Variants in ZMIZ1 observed in about 807,000 individuals in gnomAD.
The protein encoded by ZMIZ1 is zinc finger MIZ domain-containing protein 1.
In ZMIZ1, 17 loss-of-function variants were observed where a neutral mutation model predicts 113.9. The observed-to-expected ratio is 0.15, with a 90% CI of 0.10 to 0.22. ZMIZ1 has a LOEUF of 0.22. Among genes scored for constraint, ZMIZ1 ranks in the 10% least tolerant of loss-of-function variants. The probability of loss-of-function intolerance (pLI) is 1.00; values close to 1 mark genes in which losing one functional copy is unlikely to be tolerated. For synonymous variants in ZMIZ1, 607 were observed against 603.1 expected (o/e 1.01, Z -0.09); for missense variants, 1,059 against 1,477.8 (o/e 0.72, Z 4.65).
At chr10:79,163,021 C>T (rs945988755) in intron 4 of ZMIZ1, among the ~76,000 whole-genome samples, 14 of 152,288 alleles carry the variant, frequency 9.2e-5, no homozygotes, top group African/African-American at 3.1e-4. Context: ...TCACTTGGCC[C>T]TGTGCCCGAG....
chr10:79,301,219 C>T (rs760227203), intron 17 of ZMIZ1, among the ~76,000 whole-genome samples: 3 of 152,126 alleles, frequency 2.0e-5, no homozygotes, highest in African/African-American at 4.8e-5. Context: ...CACATGCTTC[C>T]GATTCACCCC....
intron 4 of ZMIZ1, among the ~76,000 whole-genome samples, chr10:79,168,159 T>A (rs1846436837): frequency 6.6e-6 from 1 of 152,216 alleles, no homozygotes; most frequent in South Asian, 2.1e-4. Flanking sequence ...CCATTTATGA[T>A]CTACCTCTTG....
chr10:79,144,333 T>C (rs1212262487), intron 3 of ZMIZ1, among the ~76,000 whole-genome samples: 1 of 152,186 alleles, frequency 6.6e-6, no homozygotes, highest in African/African-American at 2.4e-5. Context: ...CCCATGCTCT[T>C]ATAATCCTCT....
At chr10:79,135,943 C>A (rs1250987489) in intron 2 of ZMIZ1, among the ~76,000 whole-genome samples, 5 of 152,166 alleles carry the variant, frequency 3.3e-5, no homozygotes, top group African/African-American at 1.2e-4. Flanking sequence ...CTCTCATCAG[C>A]CCCTTTATCG....
chr10:79,165,963 T>TGCGCGCGCGC lies in ZMIZ1; in HGVS notation c.-50+3831_-50+3832insCGCGCGCGCG, dbSNP rs1554860939. On this transcript the variant is annotated intron_variant, in intron 4 of 24. Coordinates refer to ENST00000334512, the MANE Select transcript of ZMIZ1 (RefSeq NM_020338.4). ...CCCAGCTCAGCTGTGTGTGTGTGTG[T>TGCGCGCGCGC]GTGTGTGTGTGTGTGTGTGTGTGTG... Among the ~76,000 whole-genome samples the TGCGCGCGCGC allele has an allele frequency of 8.5e-3, 369 of 43,420 alleles. 24 individuals carry two copies. The highest frequency in any genetic ancestry group is 0.044 in the African/African-American group (355 of 7,994). 28.5% of individuals were successfully genotyped at this position (43,420 alleles called of 152,430 possible). A position where few individuals can be genotyped will look rare whatever the true frequency, so the allele number is the denominator to read the frequency against.
At chr10:79,085,058 A>T (rs1304898201) in intron 1 of ZMIZ1, among the ~76,000 whole-genome samples, 1 of 151,884 alleles carries the variant, frequency 6.6e-6, no homozygotes. Flanking sequence ...GTGCCGTGCC[A>T]TGTAGATCCC....
chr10:79,289,274 C>T (rs1204591591), intron 8 of ZMIZ1, among the ~76,000 whole-genome samples: 2 of 152,102 alleles, frequency 1.3e-5, no homozygotes, highest in Non-Finnish European at 2.9e-5. Context: ...ATTCCCATGG[C>T]CCAGGCAGCC....
At chr10:79,208,096 AGTGGAGGTGGATCGGGGAGGTGGG>A (rs1848400591) in intron 5 of ZMIZ1, among the ~76,000 whole-genome samples, 1 of 34,418 alleles carries the variant, frequency 2.9e-5, no homozygotes, top group Non-Finnish European at 5.6e-5. Flanking sequence ...GTGGGGGTGG[AGTGGAGGTGGATCGGGGAGGTGGG>A]GTGGAGGTGG....
Position 79,299,052 on chromosome 10 carries a change from A to G in ZMIZ1, c.1669A>G (p.Asn557Asp). The part of the protein sequence containing the change: ...NMSALPPPPA[N>D]HNDELRLTFP... ...CCCACCTCCTCTCCTCGCCCCAGCC[A>G]ACCACAATGACGAGCTGCGGCTCAC... Residue 557 changes from asparagine to aspartate, a missense_variant and splice_region_variant, in exon 16 of 25, where the codon AAC (asparagine) becomes GAC (aspartate). Asn to Asp is a conservative substitution (Grantham distance 23). This residue lies in a region of ZMIZ1 where 239 missense variants were observed against 247.5 expected (regional missense o/e 0.97). Coordinates refer to ENST00000334512, the MANE Select transcript of ZMIZ1 (RefSeq NM_020338.4). The G allele has an allele frequency of 6.2e-7, 1 of 1,608,368 alleles. No individual in the cohort carries two copies. Among genetic ancestry groups the G allele is most frequent in the South Asian group, 1.1e-5 (1 of 90,740 alleles).
intron 4 of ZMIZ1, among the ~76,000 whole-genome samples, chr10:79,171,970 T>G (rs1417599739): frequency 6.6e-6 from 1 of 152,154 alleles, no homozygotes; most frequent in Non-Finnish European, 1.5e-5. Context: ...GAGCACTGCT[T>G]TTTAAATGTA....
At chr10:79,288,856 T>C (rs997286278) in intron 8 of ZMIZ1, among the ~76,000 whole-genome samples, 1 of 152,204 alleles carries the variant, frequency 6.6e-6, no homozygotes, top group African/African-American at 2.4e-5. Flanking sequence ...GCTAACTCCT[T>C]GCTTCTGATA....
At position 79,245,562 on chromosome 10, in the gene ZMIZ1, C is replaced by T. The variant is rs565631701; in HGVS notation, c.280+29288C>T. Among the ~76,000 whole-genome samples the T allele has an allele frequency of 2.6e-5, 4 of 152,304 alleles. No individual in the cohort carries two copies. The South Asian group carries it at 8.3e-4, about 32-fold the overall frequency. On this transcript the variant is annotated intron_variant, in intron 7 of 24. Coordinates refer to ENST00000334512, the MANE Select transcript of ZMIZ1 (RefSeq NM_020338.4). ...AGGGATTGAAAGAGCACTTCCAGAT[C>T]TCAGTCTGCATTGGTTGAGCACCCA...
At chr10:79,232,294 C>T (rs1296864318) in intron 7 of ZMIZ1, among the ~76,000 whole-genome samples, 1 of 151,998 alleles carries the variant, frequency 6.6e-6, no homozygotes, top group Non-Finnish European at 1.5e-5. Context: ...TGGGTGGTAC[C>T]CCTGCACCCC....
At chr10:79,210,226 G>A (rs1848479259) in intron 6 of ZMIZ1, among the ~76,000 whole-genome samples, 1 of 152,024 alleles carries the variant, frequency 6.6e-6, no homozygotes, top group African/African-American at 2.4e-5. Flanking sequence ...CCAGCACATT[G>A]CCCCGAGCCT....
At chr10:79,288,151 T>C (rs1047525807) in intron 8 of ZMIZ1, among the ~76,000 whole-genome samples, 1 of 152,338 alleles carries the variant, frequency 6.6e-6, no homozygotes, top group African/African-American at 2.4e-5. Flanking sequence ...TGGTCGCCTC[T>C]GCAGGAGCCC....
chr10:79,172,014 G>A (rs983455172), intron 4 of ZMIZ1, among the ~76,000 whole-genome samples: 2 of 152,154 alleles, frequency 1.3e-5, no homozygotes, highest in Non-Finnish European at 2.9e-5. Flanking sequence ...CAAATGAAGG[G>A]TACATCACAT....
At position 79,312,780 on chromosome 10, in the gene ZMIZ1, C is replaced by T. The variant is rs368352635; in HGVS notation, c.*31C>T. On this transcript the variant is annotated 3_prime_UTR_variant, in exon 25 of 25. Transcript: ENST00000334512. ...ACCCGGTCGGGGCCATCCCTCCACA[C>T]TCTGCATCCTACCCCACCTACCCAA... 80 of 1,596,674 alleles carry T rather than the reference C, an allele frequency of 5.0e-5. No homozygotes were observed. The highest frequency in any genetic ancestry group is 6.5e-5 in the Non-Finnish European group (76 of 1,164,328).
chr10:79,154,091 G>A (rs772170005), intron 3 of ZMIZ1, among the ~76,000 whole-genome samples: 3 of 152,216 alleles, frequency 2.0e-5, no homozygotes, highest in Non-Finnish European at 1.5e-5. Context: ...TCTAATCCTT[G>A]AGCTGCAGTT....
chr10:79,201,811 G>T, intron 5 of ZMIZ1, 119 bp downstream of exon 5: 1 of 1,110,898 alleles, frequency 9.0e-7, no homozygotes, highest in South Asian at 1.4e-5. Context: ...CCTACCTATC[G>T]AGGCCGTTAT....
Sources: allele counts gnomAD v4.1 joint callset (sites outside exome capture counted in the v4.1 genomes callset), GRCh38; gene constraint gnomAD v4.1.1; regional missense constraint gnomAD v4.1.1; transcripts MANE v1.5; gene names NCBI Gene and HGNC (gene_info 2026-07-23, HGNC 2026-07-21).